CDC42BPB: variants seen among roughly 807,000 people sequenced by gnomAD.
CDC42BPB encodes the protein serine/threonine-protein kinase MRCK beta.
A neutral mutation model predicts 214.9 loss-of-function variants in CDC42BPB; 37 were observed. That is an observed-to-expected ratio of 0.17 (90% CI 0.13 to 0.23). The LOEUF (loss-of-function observed/expected upper bound fraction) is 0.23. CDC42BPB is among the 10% of genes least tolerant of loss of function. The pLI is 1.00. For missense variants in CDC42BPB, 1,694 were observed against 2,227.0 expected, an observed-to-expected ratio of 0.76 and a Z score of 4.82; for synonymous variants, 931 against 884.0, an observed-to-expected ratio of 1.05 and a Z score of -0.94.
intron 20 of CDC42BPB, among the ~76,000 whole-genome samples, chr14:102,960,355 A>C (rs1463114402): frequency 6.7e-6 from 1 of 149,886 alleles, no homozygotes; most frequent in Non-Finnish European, 1.5e-5. Flanking sequence ...AGTGGTTCAC[A>C]CCTGTCATCC....
intron 1 of CDC42BPB, among the ~76,000 whole-genome samples, chr14:103,049,436 TG>T (rs1566927627): frequency 6.6e-6 from 1 of 152,250 alleles, no homozygotes; most frequent in Non-Finnish European, 1.5e-5. Flanking sequence ...GAAATCAACC[TG>T]ATTTTATTTA....
In CDC42BPB at chr14:102,968,591, G is replaced by C. The variant is rs749765802; in HGVS notation, c.2121C>G (p.Ser707=). Residue 707 remains serine (S), a synonymous_variant, in exon 15 of 37, where the codon TCC becomes TCG. Coordinates refer to ENST00000361246, the MANE Select transcript of CDC42BPB (RefSeq NM_006035.4). ...YEEELVRREA[S]HVLEVKNVKK... is the part of the protein sequence containing the mutation. The stretch of plus-strand genomic sequence containing the variant: ...TCACATTTTTCACTTCTAGCACATG[G>C]GAGGCCTCACGTCTGACCAATTCCT... 4.3e-6 allele frequency: 7 copies of C among 1,614,036 alleles called. No homozygotes were observed. In the East Asian group the frequency reaches 1.6e-4, roughly 36 times the overall value.
intron 27 of CDC42BPB, 99 bp downstream of exon 27, chr14:102,947,622 A>C: frequency 9.5e-7 from 1 of 1,054,012 alleles, no homozygotes; most frequent in East Asian, 2.4e-5. Flanking sequence ...CTAGGGCCAC[A>C]CTGGAGGTGC....
At chr14:102,966,516 T>C (rs1332905365) in intron 17 of CDC42BPB, 129 bp from the exon 18 acceptor site, 9 of 1,469,176 alleles carry the variant, frequency 6.1e-6, no homozygotes, top group African/African-American at 4.2e-5. Flanking sequence ...GTGCCCGCAG[T>C]GTACCCGTTG....
At chr14:103,012,385 A>G (rs1018946548) in intron 1 of CDC42BPB, 197 bp from the exon 2 acceptor site, 4 of 569,864 alleles carry the variant, frequency 7.0e-6, no homozygotes, top group Non-Finnish European at 8.9e-6. Flanking sequence ...GCAGCCACGC[A>G]CTGGGTAACA....
intron 1 of CDC42BPB, among the ~76,000 whole-genome samples, chr14:103,049,009 A>G (rs1277048350): frequency 1.3e-5 from 2 of 152,206 alleles, no homozygotes. Context: ...TTACCTAACA[A>G]TAAGAATGCA....
At chr14:102,935,808 A>G (rs1233738710) in intron 36 of CDC42BPB, among the ~76,000 whole-genome samples, 2 of 152,086 alleles carry the variant, frequency 1.3e-5, no homozygotes, top group African/African-American at 2.4e-5. Context: ...AGGAATGTAA[A>G]TAACGACAAC....
At chr14:103,019,714 A>T in intron 1 of CDC42BPB, among the ~76,000 whole-genome samples, 1 of 152,240 alleles carries the variant, frequency 6.6e-6, no homozygotes, top group East Asian at 1.9e-4. Flanking sequence ...TAGCCTTTAG[A>T]CAGCTTAACT....
Position 102,939,005 on chromosome 14 carries a change from C to T in CDC42BPB, c.4828-594G>A, listed in dbSNP as rs984011133. 1.3e-4 allele frequency among the ~76,000 whole-genome samples: 19 copies of T among 151,182 alleles called. 1 individual carries two copies. Among genetic ancestry groups the T allele is most frequent in the Non-Finnish European group, 2.4e-4 (16 of 67,918 alleles). ...AGGCTGGAGTGCAGTGGTGCAATCT[C>T]GGCTCACTGCAAGCTCCGCCTCCCG... On this transcript the variant is annotated intron_variant, in intron 34 of 36. Coordinates refer to ENST00000361246, the MANE Select transcript of CDC42BPB (RefSeq NM_006035.4).
intron 1 of CDC42BPB, among the ~76,000 whole-genome samples, chr14:103,051,260 GCTTT>G (rs1888592038): frequency 6.6e-6 from 1 of 151,724 alleles, no homozygotes; most frequent in South Asian, 2.1e-4. Flanking sequence ...AGCAAGAGAG[GCTTT>G]CTGTGAGCTT....
intron 1 of CDC42BPB, among the ~76,000 whole-genome samples, chr14:103,024,076 G>T (rs769928668): frequency 6.6e-6 from 1 of 152,128 alleles, no homozygotes; most frequent in Non-Finnish European, 1.5e-5. Flanking sequence ...CTAGTACAAC[G>T]CCAGAGTAGT....
intron 9 of CDC42BPB, among the ~76,000 whole-genome samples, chr14:102,977,663 C>T (rs1465262584): frequency 6.6e-6 from 1 of 152,172 alleles, no homozygotes; most frequent in Non-Finnish European, 1.5e-5. Flanking sequence ...ATGGCAACTG[C>T]TCTGCTTGCT....
At chr14:103,006,321 C>G (rs928869521) in intron 3 of CDC42BPB, among the ~76,000 whole-genome samples, 1 of 152,244 alleles carries the variant, frequency 6.6e-6, no homozygotes, top group Non-Finnish European at 1.5e-5. Flanking sequence ...GAGGCCGGGG[C>G]TGCCCCGAGG....
rs113602206 is a variant in CDC42BPB, at chr14:102,983,745, G to A, written c.702C>T (p.Ser234=). The change falls in exon 7 of 37, where the codon TCC becomes TCT. Residue 234 remains serine, a synonymous_variant. Coordinates refer to ENST00000361246, the MANE Select transcript of CDC42BPB (RefSeq NM_006035.4). ...KMNDDGTVQS[S]VAVGTPDYIS... ...TGTAGTCAGGTGTGCCCACGGCCAC[G>A]GAGGACTGCACCTTAGGGGAGAAGG... 4.2e-5 allele frequency: 68 copies of A among 1,612,850 alleles called. 2 individuals are homozygous for A. In the African/African-American group the frequency reaches 4.5e-4, roughly 11 times the overall value.
chr14:102,980,220 C>A (rs1014134869), intron 8 of CDC42BPB, among the ~76,000 whole-genome samples: 1 of 152,150 alleles, frequency 6.6e-6, no homozygotes, highest in Non-Finnish European at 1.5e-5. Flanking sequence ...GTAGGCTGGG[C>A]GCGATGGCTC....
At chr14:102,987,872 C>T (rs1374703842) in intron 5 of CDC42BPB, among the ~76,000 whole-genome samples, 1 of 149,756 alleles carries the variant, frequency 6.7e-6, no homozygotes, top group African/African-American at 2.5e-5. Context: ...CTTTGGGAGG[C>T]TGAGGCAAGA....
At chr14:103,000,352 C>G (rs1411223052) in intron 4 of CDC42BPB, among the ~76,000 whole-genome samples, 1 of 152,236 alleles carries the variant, frequency 6.6e-6, no homozygotes, top group Admixed American at 6.5e-5. Context: ...TGGGCGACCC[C>G]GAGGTGAGCC....
chr14:103,010,627 A>G (rs1211524236), intron 2 of CDC42BPB, among the ~76,000 whole-genome samples: 1 of 152,250 alleles, frequency 6.6e-6, no homozygotes. Flanking sequence ...GATGTGACAC[A>G]GGGCGTTTCC....
chr14:102,935,935 T>G (rs1275307574), intron 36 of CDC42BPB, among the ~76,000 whole-genome samples: 2 of 152,044 alleles, frequency 1.3e-5, no homozygotes, highest in African/African-American at 4.8e-5. Flanking sequence ...ATTTCAAAAA[T>G]GGGTAAAGGC....
Sources: gnomAD v4.1 joint callset for allele counts (sites outside exome capture counted in the v4.1 genomes callset) on GRCh38, gnomAD v4.1.1 for gene constraint, MANE v1.5 for transcripts, NCBI Gene and HGNC (gene_info 2026-07-23, HGNC 2026-07-21) for gene names.